The following CNNM2 variants were observed in gnomAD, a reference collection of about 807,000 sequenced individuals.
CNNM2 encodes cyclin and CBS domain divalent metal cation transport mediator 2, also known as metal transporter CNNM2.
In CNNM2, 12 loss-of-function variants were observed where a neutral mutation model predicts 66.9. The observed-to-expected ratio is 0.18, with a 90% CI of 0.11 to 0.29. CNNM2 has a LOEUF of 0.29. Among genes scored for constraint, CNNM2 ranks in the 10% least tolerant of loss-of-function variants. CNNM2 has a pLI of 1.00. For synonymous variants in CNNM2, 557 were observed against 501.8 expected (o/e 1.11, Z -1.47); for missense variants, 705 against 1,167.7 (o/e 0.60, Z 5.77).
At chr10:103,010,831 T>C (rs1014639358) in intron 1 of CNNM2, among the ~76,000 whole-genome samples, 4 of 152,124 alleles carry the variant, frequency 2.6e-5, no homozygotes, top group African/African-American at 9.7e-5. Context: ...CAGCCTGGTC[T>C]TGAAATCCTG....
At chr10:102,939,687 A>G (rs1846357426) in intron 1 of CNNM2, among the ~76,000 whole-genome samples, 1 of 152,152 alleles carries the variant, frequency 6.6e-6, no homozygotes, top group Admixed American at 6.6e-5. Context: ...CATCATAATA[A>G]AGAACTGGCG....
rs1049606232 is a variant in CNNM2 at position 102,971,879 on chromosome 10, A to G, written c.1621+51778A>G. Among the ~76,000 whole-genome samples the G allele has an allele frequency of 2.6e-5, 4 of 152,088 alleles. No individual in the cohort carries two copies. In the East Asian group the frequency reaches 7.7e-4, roughly 29 times the overall value. On this transcript the variant is annotated intron_variant, in intron 1 of 7. Coordinates refer to ENST00000369878, the MANE Select transcript of CNNM2 (RefSeq NM_017649.5). Reference sequence around the variant, plus strand: ...AAAATAGCTCATTGTCATAACTTGCACTTCTTCAGTGAGACTGAACATTTT... The same window carrying G: ...AAAATAGCTCATTGTCATAACTTGCGCTTCTTCAGTGAGACTGAACATTTT...
intron 1 of CNNM2, among the ~76,000 whole-genome samples, chr10:102,920,614 A>G (rs1466732021): frequency 1.3e-5 from 2 of 152,106 alleles, no homozygotes; most frequent in Non-Finnish European, 2.9e-5. Flanking sequence ...CATTTTCTAT[A>G]GCTTCTGTTC....
At chr10:102,998,998 G>T (rs527522499) in intron 1 of CNNM2, among the ~76,000 whole-genome samples, 1 of 152,100 alleles carries the variant, frequency 6.6e-6, no homozygotes, top group Non-Finnish European at 1.5e-5. Flanking sequence ...TCTGCTTCCT[G>T]GGTTCAAGTG....
chr10:103,026,923 G>A (rs189525038), intron 1 of CNNM2, among the ~76,000 whole-genome samples: 1 of 152,302 alleles, frequency 6.6e-6, no homozygotes, highest in East Asian at 1.9e-4. Flanking sequence ...AATCGCTGGT[G>A]CATGGTACAG....
intron 1 of CNNM2, among the ~76,000 whole-genome samples, chr10:102,942,945 G>A (rs1376426977): frequency 6.6e-6 from 1 of 152,076 alleles, no homozygotes; most frequent in Non-Finnish European, 1.5e-5. Context: ...GGCGCGCCTG[G>A]ATCACAGGCT....
intron 1 of CNNM2, among the ~76,000 whole-genome samples, chr10:103,021,796 T>C (rs569415730): frequency 6.6e-6 from 1 of 152,322 alleles, no homozygotes; most frequent in South Asian, 2.1e-4. Context: ...ACAGGAGTCA[T>C]TGAACAAAAT....
rs1416008252 is a variant in CNNM2 at position 103,077,199 on chromosome 10, G to C, written c.*19G>C. 1.2e-6 allele frequency: 2 copies of C among 1,607,018 alleles called. No homozygotes were observed. The highest frequency in any genetic ancestry group is 1.7e-6 in the Non-Finnish European group (2 of 1,177,754). ...CATCTAGGCCGCGCTGGCTGCACCC[G>C]CCCAGGCCCGCACCCGCCCAGTCCC... is the stretch of plus-strand genomic sequence containing the variant. On this transcript the variant is annotated 3_prime_UTR_variant, in exon 8 of 8. Transcript: ENST00000369878.
intron 6 of CNNM2, among the ~76,000 whole-genome samples, chr10:103,072,126 G>T (rs966196943): frequency 3.9e-5 from 6 of 152,100 alleles, no homozygotes; most frequent in African/African-American, 1.4e-4. Context: ...CCCTGCCCTT[G>T]TGGCTGACCT....
In CNNM2 at chr10:103,058,384, A is replaced by T. The variant is rs574551065; in HGVS notation, c.2073+1420A>T. Among the ~76,000 whole-genome samples, 5 of 152,344 alleles carry T rather than the reference A, an allele frequency of 3.3e-5. No homozygotes were observed. The East Asian group carries it at 9.7e-4, about 29-fold the overall frequency. On this transcript the variant is annotated intron_variant, in intron 4 of 7. Coordinates refer to ENST00000369878, the MANE Select transcript of CNNM2 (RefSeq NM_017649.5). ...GCCTGGAGAAACTCTGGATACATCA[A>T]AGACTGTCACAGGAGGAATTGGAAT...
rs1003070957 is a variant in CNNM2, at chr10:103,084,488, C to G, written c.*7308C>G. Reference sequence around the variant, plus strand: ...AGCAGGGCAGAAAGTGGCAGCAGAGCTAGGGAAAGAAATCATGGTAGCACA... The same window carrying G: ...AGCAGGGCAGAAAGTGGCAGCAGAGGTAGGGAAAGAAATCATGGTAGCACA... On this transcript the variant is annotated 3_prime_UTR_variant, in exon 8 of 8. Coordinates refer to ENST00000369878, the MANE Select transcript of CNNM2 (RefSeq NM_017649.5). The G allele has an allele frequency of 1.3e-5, 2 of 152,214 alleles. No homozygotes were observed. The highest frequency in any genetic ancestry group is 2.9e-5 in the Non-Finnish European group (2 of 68,046). 9.4% of individuals were successfully genotyped at this position (152,214 alleles called of 1,614,324 possible).
intron 1 of CNNM2, among the ~76,000 whole-genome samples, chr10:103,035,917 C>A (rs373512302): frequency 6.6e-5 from 10 of 152,288 alleles, no homozygotes; most frequent in African/African-American, 2.2e-4. Flanking sequence ...GCTGTTGTCA[C>A]CGGGAAGTTC....
In CNNM2 at chr10:103,081,214, G is replaced by A. The variant is rs2065754852; in HGVS notation, c.*4034G>A. 2 of 152,240 alleles carry A rather than the reference G, an allele frequency of 1.3e-5. No individual in the cohort carries two copies. The highest frequency in any genetic ancestry group is 2.9e-5 in the Non-Finnish European group (2 of 68,076). 9.4% of individuals were successfully genotyped at this position (152,240 alleles called of 1,614,324 possible). On this transcript the variant is annotated 3_prime_UTR_variant, in exon 8 of 8. Coordinates refer to ENST00000369878, the MANE Select transcript of CNNM2 (RefSeq NM_017649.5). ...CCCCTCTGCTTTTGAGCCCAGATAT[G>A]GGCTTTTCTTTGCAAAGGGTTGAGG... is the stretch of plus-strand genomic sequence containing the variant.
intron 1 of CNNM2, among the ~76,000 whole-genome samples, chr10:102,930,470 G>A (rs568776636): frequency 5.3e-5 from 8 of 152,206 alleles, no homozygotes; most frequent in South Asian, 2.1e-4. Context: ...ACCATTGCTC[G>A]TATTAAGGAA....
chr10:103,076,711 C>T (rs1319070262), intron 7 of CNNM2, among the ~76,000 whole-genome samples: 2 of 152,212 alleles, frequency 1.3e-5, no homozygotes, highest in African/African-American at 4.8e-5. Context: ...GGAGAACAAG[C>T]CAGCTTTAGC....
rs2065726978 is a variant in CNNM2, at chr10:103,078,686, A to G, written c.*1506A>G. Reference sequence around the variant, plus strand: ...AATCATACTGACCAGTGTACACACAAGATTATCAGTGCCCGCCGCATCCAT... The same window carrying G: ...AATCATACTGACCAGTGTACACACAGGATTATCAGTGCCCGCCGCATCCAT... On this transcript the variant is annotated 3_prime_UTR_variant, in exon 8 of 8. Transcript: ENST00000369878. 1.3e-5 allele frequency: 2 copies of G among 152,230 alleles called. No individual in the cohort carries two copies. Among genetic ancestry groups the G allele is most frequent in the Admixed American group, 1.3e-4 (2 of 15,286 alleles). 9.4% of individuals were successfully genotyped at this position (152,230 alleles called of 1,614,324 possible).
At chr10:102,962,095 A>G (rs2063389304) in intron 1 of CNNM2, among the ~76,000 whole-genome samples, 1 of 152,170 alleles carries the variant, frequency 6.6e-6, no homozygotes, top group Non-Finnish European at 1.5e-5. Context: ...AAAAATTTTA[A>G]TGGTAAAATT....
intron 1 of CNNM2, among the ~76,000 whole-genome samples, chr10:103,026,592 C>A (rs1050929504): frequency 1.6e-5 from 2 of 124,332 alleles, no homozygotes; most frequent in African/African-American, 6.3e-5. Flanking sequence ...CAGAGTGAGA[C>A]CTTGTCTTCA....
chr10:103,049,674 A>G (rs1222305471), intron 1 of CNNM2, 33 bp from the exon 2 acceptor site: 2 of 1,594,332 alleles, frequency 1.3e-6, no homozygotes, highest in Middle Eastern at 1.7e-4. Context: ...AAATTCAGAA[A>G]GTCACTTCCT....
Sources: gnomAD v4.1 joint callset for allele counts (sites outside exome capture counted in the v4.1 genomes callset) on GRCh38, gnomAD v4.1.1 for gene constraint, MANE v1.5 for transcripts, NCBI Gene and HGNC (gene_info 2026-07-23, HGNC 2026-07-21) for gene names.